Variants in OCIAD1 observed in about 807,000 individuals in gnomAD.
OCIAD1 encodes OCIA domain containing 1.
OCIAD1 carries 29 observed loss-of-function variants against 38.9 expected under a neutral mutation model. The observed-to-expected ratio is 0.74, with a 90% confidence interval of 0.55 to 1.02. The LOEUF (loss-of-function observed/expected upper bound fraction) is 1.02. OCIAD1 is among the 50% of genes least tolerant of loss of function. The pLI, the probability that OCIAD1 is intolerant of heterozygous loss-of-function variation, is 0.00. For synonymous variants in OCIAD1, 110 were observed against 92.0 expected (o/e 1.20, Z -1.12); for missense variants, 288 against 289.6 (o/e 0.99, Z 0.04).
At chr4:48,838,463 T>TAACC in intron 3 of OCIAD1, among the ~76,000 whole-genome samples, 1 of 152,320 alleles carries the variant, frequency 6.6e-6, no homozygotes, top group African/African-American at 2.4e-5. Flanking sequence ...TCAAAACAGA[T>TAACC]AACCAAGGTG....
At chr4:48,844,367 T>G (rs1163583057) in intron 4 of OCIAD1, among the ~76,000 whole-genome samples, 1 of 151,922 alleles carries the variant, frequency 6.6e-6, no homozygotes, top group Non-Finnish European at 1.5e-5. Context: ...ACGGTAGAAG[T>G]GATATTGGGA....
At chr4:48,823,098 T>C (rs1777209557) in intron 1 of OCIAD1, among the ~76,000 whole-genome samples, 1 of 152,170 alleles carries the variant, frequency 6.6e-6, no homozygotes, top group Admixed American at 6.5e-5. Flanking sequence ...CATGTATGTT[T>C]ATTGCAGCAC....
At chr4:48,846,022 G>A (rs1778949894) in intron 4 of OCIAD1, among the ~76,000 whole-genome samples, 1 of 152,184 alleles carries the variant, frequency 6.6e-6, no homozygotes, top group Non-Finnish European at 1.5e-5. Context: ...TATTTGAGGG[G>A]ATGAATAGCA....
In OCIAD1 at chr4:48,851,951, G is replaced by T; in HGVS notation, c.523G>T (p.Gly175Cys). 1 of 1,607,330 alleles carries T rather than the reference G, an allele frequency of 6.2e-7. No homozygotes were observed. The change falls in exon 7 of 9, where the codon GGT becomes TGT. Residue 175 changes from glycine to cysteine, a missense_variant. Coordinates refer to ENST00000264312, the MANE Select transcript of OCIAD1 (RefSeq NM_017830.4). ...SSSMNESAPT[G>C]ITDHIVQGPD... is the part of the protein sequence containing the mutation. ...TTCTATGAATGAATCTGCTCCCACT[G>T]GTATTACTGATCATATTGTCCAAGG...
intron 1 of OCIAD1, chr4:48,831,607 T>G: frequency 8.2e-7 from 1 of 1,220,436 alleles, no homozygotes. Flanking sequence ...GGTATTGTCT[T>G]AAGCGCCGTG....
chr4:48,831,067 C>A, upstream of OCIAD1: 1 of 238,436 alleles, frequency 4.2e-6, no homozygotes, highest in South Asian at 4.7e-5. Context: ...GTATACAGTG[C>A]CTCCGGGTCG....
intron 5 of OCIAD1, chr4:48,848,677 A>G (rs1401991867): frequency 3.3e-6 from 1 of 302,146 alleles, no homozygotes; most frequent in African/African-American, 2.2e-5. Context: ...TAATAGAACA[A>G]TTAATTTAAA....
chr4:48,819,913 G>A (rs370644562), intron 1 of OCIAD1, among the ~76,000 whole-genome samples: 8 of 152,084 alleles, frequency 5.3e-5, no homozygotes, highest in African/African-American at 1.9e-4. Context: ...AGTTCTTAGA[G>A]ACCTACAAAG....
chr4:48,833,299 T>TA lies in OCIAD1; in HGVS notation c.59-96dup, dbSNP rs1777691514. 12 of 699,030 alleles carry TA rather than the reference T, an allele frequency of 1.7e-5. 1 individual carries two copies. In the East Asian group the frequency reaches 3.2e-4, roughly 19 times the overall value. 43.3% of individuals were successfully genotyped at this position (699,030 alleles called of 1,614,324 possible). On this transcript the variant is annotated intron_variant, in intron 2 of 8. Transcript: ENST00000264312. ...AGCCAGTTGTTTTATTATTTGAGTT[T>TA]AAAAAATGGGTGCCTCTTGTTAATG...
At chr4:48,818,926 G>A (rs1237975941) in intron 1 of OCIAD1, among the ~76,000 whole-genome samples, 1 of 152,124 alleles carries the variant, frequency 6.6e-6, no homozygotes, top group Non-Finnish European at 1.5e-5. Context: ...GTGACTATGT[G>A]AAAAGACCAA....
At chr4:48,845,907 A>T (rs1292798986) in intron 4 of OCIAD1, among the ~76,000 whole-genome samples, 1 of 152,254 alleles carries the variant, frequency 6.6e-6, no homozygotes, top group Admixed American at 6.5e-5. Context: ...TATTGCGTTA[A>T]CCTTCAACAA....
chr4:48,825,633 C>G (rs1560409627), intron 1 of OCIAD1, among the ~76,000 whole-genome samples: 1 of 152,210 alleles, frequency 6.6e-6, no homozygotes, highest in South Asian at 2.1e-4. Context: ...TCTCTGCCCA[C>G]AGACTGCTGC....
At chr4:48,842,958 C>T (rs186137699) in intron 4 of OCIAD1, among the ~76,000 whole-genome samples, 122 of 152,244 alleles carry the variant, frequency 8.0e-4, no homozygotes, top group Non-Finnish European at 1.5e-3. Context: ...CAAACCTGGT[C>T]TAGGTGGGCC....
rs548777839 is a variant in OCIAD1 at position 48,839,022 on chromosome 4, A to G, written c.140-3614A>G. 2.6e-5 allele frequency among the ~76,000 whole-genome samples: 4 copies of G among 152,342 alleles called. No individual in the cohort carries two copies. In the South Asian group the frequency reaches 6.2e-4, roughly 24 times the overall value. On this transcript the variant is annotated intron_variant, in intron 3 of 8. Coordinates refer to ENST00000264312, the MANE Select transcript of OCIAD1 (RefSeq NM_017830.4). ...GTTTATTGCATATTCATGTTAAAAT[A>G]GTTCTCAAACTCCAGAATTACTAAA...
At chr4:48,831,665 G>A (rs1777516903) in intron 1 of OCIAD1, 2 of 719,436 alleles carry the variant, frequency 2.8e-6, no homozygotes, top group Non-Finnish European at 4.2e-6. Context: ...TGCCGTTATG[G>A]GAAATAAGAG....
chr4:48,831,884 A>T (rs886748298), intron 1 of OCIAD1, among the ~76,000 whole-genome samples: 7 of 152,094 alleles, frequency 4.6e-5, no homozygotes, highest in African/African-American at 1.7e-4. Context: ...TTCCATGCAA[A>T]TTGTTTTTAA....
At chr4:48,828,568 C>T, upstream of OCIAD1, among the ~76,000 whole-genome samples, 1 of 152,190 alleles carries the variant, frequency 6.6e-6, no homozygotes, top group East Asian at 1.9e-4. Flanking sequence ...TGAAGGTCTG[C>T]AACTTCACTC....
chr4:48,815,065 G>A (rs1472954335), intron 1 of OCIAD1, among the ~76,000 whole-genome samples: 1 of 152,194 alleles, frequency 6.6e-6, no homozygotes, highest in Non-Finnish European at 1.5e-5. Context: ...TGTAATCTCA[G>A]CACTTTGGGA....
intron 7 of OCIAD1, among the ~76,000 whole-genome samples, chr4:48,853,244 C>G (rs1779702828): frequency 6.6e-6 from 1 of 152,054 alleles, no homozygotes; most frequent in African/African-American, 2.4e-5. Context: ...GCAGAATACC[C>G]TGACCTAAAT....
Sources: allele counts gnomAD v4.1 joint callset (sites outside exome capture counted in the v4.1 genomes callset), GRCh38; gene constraint gnomAD v4.1.1; transcripts MANE v1.5; gene names NCBI Gene and HGNC (gene_info 2026-07-23, HGNC 2026-07-21).